LPP: variants seen among roughly 807,000 people sequenced by gnomAD.
LPP encodes the protein LIM domain containing preferred translocation partner in lipoma.
In LPP, 38 loss-of-function variants were observed where a neutral mutation model predicts 60.4. The observed-to-expected ratio is 0.63, with a 90% CI of 0.49 to 0.83. LPP has a LOEUF of 0.83. LPP is among the 40% of genes least tolerant of loss of function. LPP has a pLI of 0.00. For synonymous variants in LPP, 328 were observed against 290.8 expected (o/e 1.13, Z -1.30); for missense variants, 902 against 783.6 (o/e 1.15, Z -1.80).
intron 8 of LPP, among the ~76,000 whole-genome samples, chr3:188,713,879 T>C (rs1159231656): frequency 6.6e-6 from 1 of 152,224 alleles, no homozygotes; most frequent in East Asian, 1.9e-4. Flanking sequence ...CAGTGGGTCT[T>C]TGAAATTTCC....
chr3:188,384,980 C>G (rs1777905759), intron 3 of LPP, among the ~76,000 whole-genome samples: 1 of 151,616 alleles, frequency 6.6e-6, no homozygotes, highest in South Asian at 2.1e-4. Context: ...CAGACCAGTA[C>G]CCAGCCTTTC....
chr3:188,421,352 G>A (rs1173838576), intron 4 of LPP, among the ~76,000 whole-genome samples: 2 of 152,108 alleles, frequency 1.3e-5, no homozygotes, highest in Non-Finnish European at 2.9e-5. Context: ...ACATACACAG[G>A]AATGGAAAGC....
intron 8 of LPP, among the ~76,000 whole-genome samples, chr3:188,753,996 A>G (rs1170811988): frequency 6.6e-6 from 1 of 152,216 alleles, no homozygotes; most frequent in Non-Finnish European, 1.5e-5. Context: ...AATGGCAATA[A>G]CCATAGGAGA....
At position 188,880,322 on chromosome 3, in the gene LPP, T is replaced by C. The variant is rs764265792; in HGVS notation, c.*5843T>C. 3.4e-5 allele frequency: 6 copies of C among 176,942 alleles called. No homozygotes were observed. The highest frequency in any genetic ancestry group is 2.9e-4 in the East Asian group (3 of 10,384). The allele number at this position is 176,942 out of a possible 1,614,324, so 11.0% of individuals were successfully genotyped here. On this transcript the variant is annotated 3_prime_UTR_variant, in exon 12 of 12. Coordinates refer to ENST00000617246, the MANE Select transcript of LPP (RefSeq NM_001375462.1). The stretch of plus-strand genomic sequence containing the variant: ...CTGGGATTACAGGCGTGAGCCACCG[T>C]GCCCCGCGTGTTTTTTTCTTTAGCT...
chr3:188,386,262 G>GCACACACACACA (rs1491209525), intron 3 of LPP, among the ~76,000 whole-genome samples: 13 of 69,548 alleles, frequency 1.9e-4, no homozygotes, highest in African/African-American at 5.1e-4. Flanking sequence ...CATAGCATGC[G>GCACACACACACA]CGCACACACA....
In LPP at chr3:188,769,829, T is replaced by C. The variant is rs1735294919; in HGVS notation, c.1410+9547T>C. Among the ~76,000 whole-genome samples the C allele has an allele frequency of 2.0e-5, 3 of 152,160 alleles. No homozygotes were observed. The South Asian group carries it at 6.2e-4, about 32-fold the overall frequency. On this transcript the variant is annotated intron_variant, in intron 9 of 11. Transcript: ENST00000617246. Reference sequence around the variant, plus strand: ...TTAGTAAGATTTTGGTTGGAGAGTGTAGAAATAGGACAGCGTTTGCTTTCA... The same window carrying C: ...TTAGTAAGATTTTGGTTGGAGAGTGCAGAAATAGGACAGCGTTTGCTTTCA...
chr3:188,513,173 T>C (rs1458178765), intron 5 of LPP, among the ~76,000 whole-genome samples: 2 of 152,220 alleles, frequency 1.3e-5, no homozygotes, highest in African/African-American at 4.8e-5. Context: ...AATGTAGAAA[T>C]TTCAAATAAA....
intron 1 of LPP, among the ~76,000 whole-genome samples, chr3:188,218,065 C>G (rs1052210137): frequency 5.3e-5 from 8 of 152,136 alleles, no homozygotes; most frequent in Non-Finnish European, 1.2e-4. Flanking sequence ...ATTTCTGTCT[C>G]CTGTAAACTC....
chr3:188,651,052 A>G lies in LPP; in HGVS notation c.1113+41208A>G, dbSNP rs1162073148. 2.6e-5 allele frequency among the ~76,000 whole-genome samples: 4 copies of G among 152,346 alleles called. No individual in the cohort carries two copies. In the East Asian group the frequency reaches 7.7e-4, roughly 29 times the overall value. On this transcript the variant is annotated intron_variant, in intron 7 of 11. Coordinates refer to ENST00000617246, the MANE Select transcript of LPP (RefSeq NM_001375462.1). ...CCTAATCATATTTTTAAATTTATAC[A>G]GCATGCAGTTTTGAAACACTCAGTC...
At chr3:188,632,144 T>C (rs1004159301) in intron 7 of LPP, among the ~76,000 whole-genome samples, 2 of 152,192 alleles carry the variant, frequency 1.3e-5, no homozygotes, top group Admixed American at 6.5e-5. Context: ...CCTCCCTCTC[T>C]CCTTACCTCT....
intron 8 of LPP, among the ~76,000 whole-genome samples, chr3:188,734,034 C>T (rs1473541773): frequency 3.3e-5 from 5 of 152,030 alleles, no homozygotes; most frequent in Admixed American, 3.3e-4. Context: ...TAACTCATTA[C>T]TTTTAACGTT....
At chr3:188,552,372 A>C (rs181497925) in intron 6 of LPP, among the ~76,000 whole-genome samples, 256 of 152,326 alleles carry the variant, frequency 1.7e-3, no homozygotes, top group Non-Finnish European at 3.1e-3. Context: ...AGGATGCCAT[A>C]AGGACCATTA....
intron 4 of LPP, among the ~76,000 whole-genome samples, chr3:188,462,558 A>C (rs1164464246): frequency 2.5e-4 from 10 of 40,024 alleles, no homozygotes; most frequent in African/African-American, 9.1e-4. Context: ...ATATATATAT[A>C]TATATATATA....
chr3:188,250,794 C>CTCTT (rs138929542), intron 2 of LPP, among the ~76,000 whole-genome samples: 33,661 of 113,866 alleles, frequency 0.3, 4,695 homozygotes, highest in South Asian at 0.34. Flanking sequence ...TTCTGTCTTT[C>CTCTT]TCTTTCTTTC....
chr3:188,486,788 C>G (rs1335655111), intron 5 of LPP, among the ~76,000 whole-genome samples: 1 of 152,162 alleles, frequency 6.6e-6, no homozygotes. Context: ...AATCAACTAT[C>G]AGATGCCAGT....
intron 7 of LPP, among the ~76,000 whole-genome samples, chr3:188,661,470 G>A (rs1854562386): frequency 6.6e-6 from 1 of 152,182 alleles, no homozygotes; most frequent in South Asian, 2.1e-4. Flanking sequence ...ATGAATGCGT[G>A]TTCCTGTTGC....
rs753815440 is a variant in LPP, at chr3:188,866,328, A to G, written c.1539A>G (p.Pro513=). 4.4e-6 allele frequency: 7 copies of G among 1,581,428 alleles called. No homozygotes were observed. Among genetic ancestry groups the G allele is most frequent in the Non-Finnish European group, 6.0e-6 (7 of 1,162,540 alleles). ...VMCHRSLDGI[P]FTVDAGGLIH... is the part of the protein sequence containing the mutation. ...GCCACCGCAGCCTGGATGGGATCCCATTCACTGTGGATGCTGGCGGGCTCA... is the reference window on the plus strand; with the variant it reads ...GCCACCGCAGCCTGGATGGGATCCCGTTCACTGTGGATGCTGGCGGGCTCA... Residue 513 remains proline (P), a synonymous_variant, in exon 10 of 12, where the codon CCA becomes CCG. Transcript: ENST00000617246.
intron 1 of LPP, among the ~76,000 whole-genome samples, chr3:188,203,159 G>A (rs1274965435): frequency 3.1e-5 from 4 of 130,832 alleles, no homozygotes; most frequent in African/African-American, 8.7e-5. Context: ...TAATTATATT[G>A]TAATTAAATT....
rs1006996627 is a variant in LPP at position 188,788,786 on chromosome 3, C to T, written c.1410+28504C>T. 2.6e-5 allele frequency among the ~76,000 whole-genome samples: 4 copies of T among 152,142 alleles called. No homozygotes were observed. In the South Asian group the frequency reaches 6.2e-4, roughly 24 times the overall value. ...TTCCGATTCCTACAACCCTGCAGCACGCCCCCCCGGCTCTAAACCTTTTAG... is the reference window on the plus strand; with the variant it reads ...TTCCGATTCCTACAACCCTGCAGCATGCCCCCCCGGCTCTAAACCTTTTAG... On this transcript the variant is annotated intron_variant, in intron 9 of 11. Coordinates refer to ENST00000617246, the MANE Select transcript of LPP (RefSeq NM_001375462.1).
Sources: gnomAD v4.1 joint callset for allele counts (sites outside exome capture counted in the v4.1 genomes callset) on GRCh38, gnomAD v4.1.1 for gene constraint, MANE v1.5 for transcripts, NCBI Gene and HGNC (gene_info 2026-07-23, HGNC 2026-07-21) for gene names.